The following FAT3 variants were observed in gnomAD, a reference collection of about 807,000 sequenced individuals.
FAT3 encodes the protein FAT atypical cadherin 3.
In FAT3, 95 loss-of-function variants were observed where a neutral mutation model predicts 310.2. The ratio of observed to expected loss-of-function variants is 0.31; its 90% CI spans 0.26 to 0.36. The LOEUF (loss-of-function observed/expected upper bound fraction) is 0.36. Ranked by LOEUF, FAT3 falls within the 10% of genes least tolerant of loss-of-function variation. The probability of loss-of-function intolerance (pLI) is 1.00; values close to 1 mark genes in which losing one functional copy is unlikely to be tolerated. For missense variants in FAT3, 5,408 were observed against 5,715.6 expected (o/e 0.95, Z 1.74); for synonymous variants, 2,314 against 2,192.9 (o/e 1.06, Z -1.54).
intron 24 of FAT3, among the ~76,000 whole-genome samples, chr11:92,885,369 AAGG>A (rs1455653661): frequency 5.3e-5 from 8 of 152,274 alleles, no homozygotes; most frequent in Admixed American, 1.3e-4. Context: ...TAACTAGCAA[AAGG>A]AGAAGTTAGG....
chr11:92,810,153 A>G lies in FAT3; in HGVS notation c.9481+77A>G. The G allele has an allele frequency of 2.2e-6, 3 of 1,334,078 alleles. 1 individual carries two copies. The highest frequency in any genetic ancestry group is 3.1e-6 in the Non-Finnish European group (3 of 958,548). The allele number at this position is 1,334,078 out of a possible 1,614,324, so 82.6% of individuals were successfully genotyped here. On this transcript the variant is annotated intron_variant, in intron 13 of 27. Coordinates refer to ENST00000525166, the MANE Select transcript of FAT3 (RefSeq NM_001367949.2). The stretch of plus-strand genomic sequence containing the variant: ...GGTGCTGCCATTCCTTTAGTTTTAT[A>G]AGAACCTTAATCAACCCCCTTGGTT...
At chr11:92,283,569 A>T (rs1229230880) in intron 1 of FAT3, among the ~76,000 whole-genome samples, 1 of 152,130 alleles carries the variant, frequency 6.6e-6, no homozygotes, top group Non-Finnish European at 1.5e-5. Flanking sequence ...GGCAGCTTTT[A>T]CAGTTAATGA....
At chr11:92,284,539 G>A (rs1166716936) in intron 1 of FAT3, among the ~76,000 whole-genome samples, 1 of 152,074 alleles carries the variant, frequency 6.6e-6, no homozygotes, top group Non-Finnish European at 1.5e-5. Flanking sequence ...GACTCAGCAG[G>A]ATTAGGGTGG....
intron 2 of FAT3, among the ~76,000 whole-genome samples, chr11:92,487,658 C>T (rs989386842): frequency 5.3e-5 from 8 of 152,292 alleles, no homozygotes; most frequent in East Asian, 1.9e-4. Context: ...TGCACAAAGT[C>T]GTACAATCTA....
intron 18 of FAT3, among the ~76,000 whole-genome samples, chr11:92,841,288 A>G (rs544760150): frequency 1.3e-5 from 2 of 152,254 alleles, no homozygotes; most frequent in South Asian, 2.1e-4. Context: ...AGGAGCAGGA[A>G]ATGAGAGGGC....
At chr11:92,486,130 G>GTTTTTTTTTTTTTTTTTTTTTTT (rs71064714) in intron 2 of FAT3, among the ~76,000 whole-genome samples, 17 of 37,138 alleles carry the variant, frequency 4.6e-4, no homozygotes, top group Admixed American at 3.5e-3. Flanking sequence ...GGCTGCTGGG[G>GTTTTTTTTTTTTTTTTTTTTTTT]TTTTTTTTTT....
intron 2 of FAT3, among the ~76,000 whole-genome samples, chr11:92,496,144 G>A (rs76806175): frequency 0.016 from 2,425 of 152,018 alleles, 69 homozygotes; most frequent in African/African-American, 0.054. Flanking sequence ...CCTTTCAACC[G>A]TCTTACCTAC....
intron 3 of FAT3, among the ~76,000 whole-genome samples, chr11:92,540,236 A>G (rs1449509422): frequency 1.3e-5 from 2 of 152,154 alleles, no homozygotes; most frequent in Non-Finnish European, 2.9e-5. Flanking sequence ...AGGTATTAGA[A>G]TAGTAAGTAG....
intron 4 of FAT3, among the ~76,000 whole-genome samples, chr11:92,705,768 A>T (rs199706689): frequency 1.6e-4 from 2 of 12,156 alleles, no homozygotes; most frequent in African/African-American, 3.1e-4. Context: ...TGATGGTGTG[A>T]TGGTGGTGGT....
rs192561110 is a variant in FAT3, at chr11:92,886,720, G to A, written c.12938-280G>A. The A allele has an allele frequency of 3.9e-3, 1,525 of 394,384 alleles. 9 individuals are homozygous for A. The highest frequency in any genetic ancestry group is 5.3e-3 in the Non-Finnish European group (1,148 of 216,970). The allele number at this position is 394,384 out of a possible 1,614,324, so 24.4% of individuals were successfully genotyped here. On this transcript the variant is annotated intron_variant, in intron 24 of 27. Transcript: ENST00000525166. ...TCATCCTCATTTCACTCTTCACTCA[G>A]TTGCTTCACTTCGAGGAAGAAACAG...
chr11:92,259,937 A>T (rs1217279674), intron 1 of FAT3, among the ~76,000 whole-genome samples: 1 of 152,122 alleles, frequency 6.6e-6, no homozygotes, highest in Non-Finnish European at 1.5e-5. Flanking sequence ...TGTTTTTAAG[A>T]TGGAACTGAG....
chr11:92,274,100 A>G lies in FAT3; in HGVS notation c.-18+48926A>G, dbSNP rs16917306. Among the ~76,000 whole-genome samples, 1,137 of 152,196 alleles carry G rather than the reference A, an allele frequency of 7.5e-3. 15 individuals are homozygous for G. The highest frequency in any genetic ancestry group is 0.026 in the African/African-American group (1,060 of 41,548). ...AAGTCCTAATATTTCTGAAACTTTC[A>G]TTATTACTTTAATCAGTTTGTATCC... is the stretch of plus-strand genomic sequence containing the variant. On this transcript the variant is annotated intron_variant, in intron 1 of 27. Transcript: ENST00000525166.
chr11:92,547,437 G>T (rs1035471196), intron 3 of FAT3, among the ~76,000 whole-genome samples: 3 of 152,288 alleles, frequency 2.0e-5, no homozygotes, highest in African/African-American at 7.2e-5. Context: ...AGAATAAAGG[G>T]AGGCTACATA....
intron 2 of FAT3, among the ~76,000 whole-genome samples, chr11:92,483,184 A>G (rs1450980955): frequency 3.3e-5 from 5 of 152,202 alleles, no homozygotes; most frequent in African/African-American, 1.2e-4. Context: ...CAGGTAACAC[A>G]GTATTTGCAC....
At chr11:92,556,095 G>T (rs1367654313) in intron 3 of FAT3, among the ~76,000 whole-genome samples, 1 of 152,150 alleles carries the variant, frequency 6.6e-6, no homozygotes, top group East Asian at 1.9e-4. Flanking sequence ...ACAAATGTTG[G>T]CTATGATGAT....
chr11:92,516,386 A>C lies in FAT3; in HGVS notation c.3293-8248A>C, dbSNP rs564763801. On this transcript the variant is annotated intron_variant, in intron 2 of 27. Coordinates refer to ENST00000525166, the MANE Select transcript of FAT3 (RefSeq NM_001367949.2). The stretch of plus-strand genomic sequence containing the variant: ...CACATAAACAGAACCTACGACAAAA[A>C]CCACATGGTTATCTCAATAGATGCA... Among the ~76,000 whole-genome samples, 434 of 152,274 alleles carry C rather than the reference A, an allele frequency of 2.9e-3. 1 individual carries two copies. The highest frequency in any genetic ancestry group is 9.8e-3 in the African/African-American group (408 of 41,562).
chr11:92,726,982 C>T lies in FAT3; in HGVS notation c.3669+29537C>T, dbSNP rs533003927. On this transcript the variant is annotated intron_variant, in intron 4 of 27. Transcript: ENST00000525166. ...GATTCTTAAATCTCAATAAAATGAA[C>T]ATTTACTAAAATACTGCTCTTATGA... is the stretch of plus-strand genomic sequence containing the variant. 8.5e-5 allele frequency among the ~76,000 whole-genome samples: 13 copies of T among 152,100 alleles called. No homozygotes were observed. In the South Asian group the frequency reaches 1.9e-3, roughly 22 times the overall value.
At chr11:92,450,666 A>G (rs1241069126) in intron 2 of FAT3, among the ~76,000 whole-genome samples, 8 of 152,288 alleles carry the variant, frequency 5.3e-5, no homozygotes, top group Non-Finnish European at 1.0e-4. Flanking sequence ...GAATCAGAAG[A>G]TATGCTCCAG....
At chr11:92,675,248 C>T (rs1200196456) in intron 3 of FAT3, among the ~76,000 whole-genome samples, 2 of 152,186 alleles carry the variant, frequency 1.3e-5, no homozygotes, top group Non-Finnish European at 2.9e-5. Flanking sequence ...GAGAGCATCT[C>T]ATCTGTGCAA....
Sources: allele counts gnomAD v4.1 joint callset (sites outside exome capture counted in the v4.1 genomes callset), GRCh38; gene constraint gnomAD v4.1.1; transcripts MANE v1.5; gene names NCBI Gene and HGNC (gene_info 2026-07-23, HGNC 2026-07-21).